Variants in TMPO observed in about 807,000 individuals in gnomAD.
TMPO encodes the protein LEM domain containing 4.
Under a neutral mutation model 45.4 loss-of-function variants are expected in TMPO, and 22 were observed. That is an observed-to-expected ratio of 0.48 (90% CI 0.35 to 0.69). The LOEUF is 0.69. Among genes scored for constraint, TMPO ranks in the 30% least tolerant of loss-of-function variants. The probability of loss-of-function intolerance (pLI) is 0.01; values close to 1 mark genes in which losing one functional copy is unlikely to be tolerated. For synonymous variants in TMPO, 241 were observed against 204.1 expected (o/e 1.18, Z -1.54); for missense variants, 512 against 548.8 (o/e 0.93, Z 0.67).
At chr12:98,526,315 C>G (rs1360744909) in intron 1 of TMPO, among the ~76,000 whole-genome samples, 3 of 152,102 alleles carry the variant, frequency 2.0e-5, no homozygotes, top group African/African-American at 4.8e-5. Context: ...GTCTCCTATC[C>G]TTGGGGTGGA....
intron 4 of TMPO, among the ~76,000 whole-genome samples, chr12:98,539,398 A>G (rs1174653954): frequency 1.3e-5 from 2 of 151,828 alleles, no homozygotes. Flanking sequence ...CCCTCCAGTC[A>G]TAGATGTGCC....
At chr12:98,535,633 T>C in intron 3 of TMPO, 9 of 985,460 alleles carry the variant, frequency 9.1e-6, no homozygotes, top group Non-Finnish European at 1.1e-5. Context: ...ATTTGAACAG[T>C]GTTGTGTGGT....
Position 98,532,890 on chromosome 12 carries a change from T to A in TMPO, c.565+1052T>A. 1 of 1,614,194 alleles carries A rather than the reference T, an allele frequency of 6.2e-7. No homozygotes were observed. The highest frequency in any genetic ancestry group is 1.7e-5 in the Admixed American group (1 of 60,014). On this transcript the variant is annotated intron_variant, in intron 3 of 8. Transcript: ENST00000556029. ...TTGTTCCTTTTTCTGAACTTGGAAC[T>A]ACTCCCTCTGGTGGTGGATTTTTTC...
intron 2 of TMPO, among the ~76,000 whole-genome samples, chr12:98,530,472 C>G (rs1441340603): frequency 2.6e-5 from 4 of 151,644 alleles, no homozygotes; most frequent in African/African-American, 9.7e-5. Flanking sequence ...ACACATGTTG[C>G]TTCTAAAAAA....
intron 3 of TMPO, chr12:98,533,468 A>G: frequency 6.2e-7 from 1 of 1,614,156 alleles, no homozygotes; most frequent in Non-Finnish European, 8.5e-7. Flanking sequence ...CCCCCACTGG[A>G]TGTAGAAAAC....
At chr12:98,534,562 T>G (rs2121213013) in intron 3 of TMPO, 2 of 1,334,256 alleles carry the variant, frequency 1.5e-6, no homozygotes, top group South Asian at 3.2e-5. Flanking sequence ...AATTTAACGC[T>G]TTCTAGATCA....
chr12:98,535,602 C>G (rs1451290450), intron 3 of TMPO: 13 of 985,244 alleles, frequency 1.3e-5, no homozygotes, highest in Non-Finnish European at 1.6e-5. Flanking sequence ...AATGCTTCTG[C>G]AAATTCAATA....
chr12:98,533,685 G>C lies in TMPO; in HGVS notation c.565+1847G>C. ...CACTCACTACCTTAGGTCTAGAAGTGGCTAAGCAATCACAGCATGATAAAA... is the reference window on the plus strand; with the variant it reads ...CACTCACTACCTTAGGTCTAGAAGTCGCTAAGCAATCACAGCATGATAAAA... On this transcript the variant is annotated intron_variant, in intron 3 of 8. Coordinates refer to ENST00000556029, the MANE Select transcript of TMPO (RefSeq NM_001032283.3). 2 of 1,614,124 alleles carry C rather than the reference G, an allele frequency of 1.2e-6. No individual in the cohort carries two copies. The highest frequency in any genetic ancestry group is 1.7e-6 in the Non-Finnish European group (2 of 1,180,014).
chr12:98,536,687 G>C (rs1170871840), intron 3 of TMPO, among the ~76,000 whole-genome samples: 2 of 152,142 alleles, frequency 1.3e-5, no homozygotes, highest in Non-Finnish European at 2.9e-5. Flanking sequence ...TCAAAACCTA[G>C]ATCTTCAAAT....
chr12:98,517,788 A>G (rs2121108138), intron 1 of TMPO, among the ~76,000 whole-genome samples: 1 of 152,378 alleles, frequency 6.6e-6, no homozygotes, highest in African/African-American at 2.4e-5. Context: ...AAACAAATTT[A>G]CTTTTGAAAT....
At position 98,540,566 on chromosome 12, in the gene TMPO, C is replaced by T. The variant is rs183034778; in HGVS notation, c.663+2994C>T. On this transcript the variant is annotated intron_variant, in intron 4 of 8. Coordinates refer to ENST00000556029, the MANE Select transcript of TMPO (RefSeq NM_001032283.3). ...GCTAATTTTGTATTTTTAGTAGAGA[C>T]GGGGTTTCTCCGTGTTGGTCAGGCA... 7.2e-5 allele frequency among the ~76,000 whole-genome samples: 11 copies of T among 152,168 alleles called. 1 individual carries two copies. Among genetic ancestry groups the T allele is most frequent in the East Asian group, 1.9e-4 (1 of 5,172 alleles).
intron 1 of TMPO, among the ~76,000 whole-genome samples, chr12:98,517,898 C>A (rs1226228761): frequency 2.0e-5 from 3 of 152,248 alleles, no homozygotes; most frequent in Non-Finnish European, 4.4e-5. Context: ...CGCGGTGGCT[C>A]ACGCCTGTAA....
At chr12:98,527,096 C>A (rs1476993278) in intron 1 of TMPO, among the ~76,000 whole-genome samples, 1 of 152,048 alleles carries the variant, frequency 6.6e-6, no homozygotes, top group Non-Finnish European at 1.5e-5. Flanking sequence ...CATTCATGAT[C>A]ATTTAGATGA....
intron 3 of TMPO, 136 bp downstream of exon 3, chr12:98,531,974 T>A (rs1172580547): frequency 4.4e-6 from 3 of 677,926 alleles, no homozygotes; most frequent in African/African-American, 1.8e-5. Context: ...AGTAATTCTG[T>A]AATTTGATTT....
rs977879516 is a variant in TMPO, at chr12:98,548,050, TAGG to T, written c.*195_*197del. On this transcript the variant is annotated 3_prime_UTR_variant, in exon 9 of 9. Transcript: ENST00000556029. ...AAAATGTTTTTGAACTTTGGACTAG[TAGG>T]AGATCACTTTGTGCCATATGAATAA... 6.2e-5 allele frequency: 38 copies of T among 613,996 alleles called. No individual in the cohort carries two copies. Among genetic ancestry groups the T allele is most frequent in the South Asian group, 2.0e-4 (9 of 44,316 alleles). The allele number at this position is 613,996 out of a possible 1,614,324, so 38.0% of individuals were successfully genotyped here. A position where few individuals can be genotyped will look rare whatever the true frequency, so the allele number is the denominator to read the frequency against.
chr12:98,520,473 A>C (rs1303537326), intron 1 of TMPO, among the ~76,000 whole-genome samples: 1 of 150,826 alleles, frequency 6.6e-6, no homozygotes, highest in Non-Finnish European at 1.5e-5. Context: ...CTCCTGGTTA[A>C]TTTTTGTATT....
intron 3 of TMPO, chr12:98,535,598 T>G: frequency 1.0e-6 from 1 of 985,452 alleles, no homozygotes; most frequent in Non-Finnish European, 1.2e-6. Context: ...GTAGAATGCT[T>G]CTGCAAATTC....
At chr12:98,534,485 G>A in intron 3 of TMPO, 1 of 1,484,170 alleles carries the variant, frequency 6.7e-7, no homozygotes, top group Non-Finnish European at 8.9e-7. Flanking sequence ...CAGTATAAAA[G>A]TAATTGCCTG....
chr12:98,544,277 T>C lies in TMPO; in HGVS notation c.711T>C (p.Ser237=), dbSNP rs888582222. The C allele has an allele frequency of 6.2e-7, 1 of 1,613,988 alleles. No individual in the cohort carries two copies. Among genetic ancestry groups the C allele is most frequent in the Non-Finnish European group, 8.5e-7 (1 of 1,179,878 alleles). ...CTGAGACTGAATGGACAAGTGGATCTTCAAAAGGCGGACCTCTGCAGGCAT... is the reference window on the plus strand; with the variant it reads ...CTGAGACTGAATGGACAAGTGGATCCTCAAAAGGCGGACCTCTGCAGGCAT... ...GITETEWTSG[S]SKGGPLQALT... The change falls in exon 5 of 9, where the codon TCT becomes TCC. Residue 237 remains serine (S), a synonymous_variant. Transcript: ENST00000556029.
Sources: gnomAD v4.1 joint callset for allele counts (sites outside exome capture counted in the v4.1 genomes callset) on GRCh38, gnomAD v4.1.1 for gene constraint, MANE v1.5 for transcripts, NCBI Gene and HGNC (gene_info 2026-07-23, HGNC 2026-07-21) for gene names.